The following RNF130 variants were observed in gnomAD, a reference collection of about 807,000 sequenced individuals.
RNF130 encodes the protein E3 ubiquitin-protein ligase RNF130.
In RNF130, 21 loss-of-function variants were observed where a neutral mutation model predicts 44.6. The ratio of observed to expected loss-of-function variants is 0.47; its 90% CI spans 0.33 to 0.68. RNF130 has a LOEUF of 0.68. Among genes scored for constraint, RNF130 ranks in the 30% least tolerant of loss-of-function variants. The probability of loss-of-function intolerance (pLI) is 0.02; values close to 1 mark genes in which losing one functional copy is unlikely to be tolerated. For missense variants in RNF130, 479 were observed against 560.6 expected, an observed-to-expected ratio of 0.85 and a Z score of 1.47; for synonymous variants, 214 against 210.4, an observed-to-expected ratio of 1.02 and a Z score of -0.15.
chr5:179,970,306 T>C (rs1561674083), intron 6 of RNF130, 104 bp downstream of exon 6: 1 of 798,762 alleles, frequency 1.3e-6, no homozygotes, highest in East Asian at 2.8e-5. Context: ...AGTGTTTTCT[T>C]CTGTGTCTTA....
rs766338547 is a variant in RNF130, at chr5:179,966,841, G to C, written c.1115C>G (p.Thr372Ser). The stretch of plus-strand genomic sequence containing the variant: ...AATGTTGATTTCTCCTGTTCTCGGA[G>C]TGAGCTCCCCATCCTGAGGAAGAGG... ...ISPLPQDGEL[T>S]PRTGEINIAV... Residue 372 changes from threonine (T) to serine (S), a missense_variant, in exon 7 of 9, where the codon ACT becomes AGT. Around this residue, in one of 3 missense-constraint regions of RNF130, gnomAD observed 161 missense variants for 158.6 expected, o/e 1.02. Coordinates refer to ENST00000521389, the MANE Select transcript of RNF130 (RefSeq NM_018434.6). 2 of 1,614,188 alleles carry C rather than the reference G, an allele frequency of 1.2e-6. No homozygotes were observed. Among genetic ancestry groups the C allele is most frequent in the Non-Finnish European group, 1.7e-6 (2 of 1,180,042 alleles).
At chr5:179,930,192 G>A (rs565998358) in intron 7 of RNF130, among the ~76,000 whole-genome samples, 1 of 152,150 alleles carries the variant, frequency 6.6e-6, no homozygotes, top group East Asian at 1.9e-4. Flanking sequence ...CGAGTAGCTG[G>A]GATTACAGGC....
At chr5:180,040,356 T>A in intron 2 of RNF130, 97 bp downstream of exon 2, 1 of 1,145,662 alleles carries the variant, frequency 8.7e-7, no homozygotes, top group Non-Finnish European at 1.3e-6. Flanking sequence ...AGGATTATGT[T>A]GGAAATTACA....
chr5:179,934,916 CCTTT>C (rs1761866717), intron 7 of RNF130, among the ~76,000 whole-genome samples: 2 of 151,920 alleles, frequency 1.3e-5, no homozygotes, highest in South Asian at 2.1e-4. Context: ...TTATTTCCTT[CCTTT>C]GATTTAGTTT....
chr5:179,974,588 C>T (rs1217755090), intron 5 of RNF130, among the ~76,000 whole-genome samples: 1 of 152,202 alleles, frequency 6.6e-6, no homozygotes, highest in South Asian at 2.1e-4. Context: ...GCTTGTGAAT[C>T]GTTAAGGAAA....
chr5:180,067,237 A>AT lies in RNF130; in HGVS notation c.247+4218dup, dbSNP rs770438801. ...CCTTCTGCTCCCCTCCATGAAGGTGATTTTTTTTTAACCCAAATCTATGTC... is the reference window on the plus strand; with the variant it reads ...CCTTCTGCTCCCCTCCATGAAGGTGATTTTTTTTTTAACCCAAATCTATGTC... On this transcript the variant is annotated intron_variant, in intron 1 of 8. Coordinates refer to ENST00000521389, the MANE Select transcript of RNF130 (RefSeq NM_018434.6). Among the ~76,000 whole-genome samples the AT allele has an allele frequency of 9.0e-4, 136 of 151,642 alleles. No homozygotes were observed. The Middle Eastern group carries it at 0.014, about 15-fold the overall frequency.
chr5:179,927,246 A>C (rs994609890), intron 7 of RNF130, among the ~76,000 whole-genome samples: 1 of 152,210 alleles, frequency 6.6e-6, no homozygotes, highest in African/African-American at 2.4e-5. Flanking sequence ...GGAAGGTATG[A>C]GTCTGGCTTT....
intron 7 of RNF130, among the ~76,000 whole-genome samples, chr5:179,920,945 G>A (rs1278407291): frequency 6.6e-6 from 1 of 151,932 alleles, no homozygotes; most frequent in Admixed American, 6.6e-5. Context: ...CACTGTGGAA[G>A]ATGAGGATTT....
downstream of RNF130, among the ~76,000 whole-genome samples, chr5:179,952,184 C>T (rs1411502279): frequency 2.6e-5 from 4 of 151,008 alleles, no homozygotes; most frequent in African/African-American, 4.9e-5. Flanking sequence ...GGTGACAGAG[C>T]GAGACATCTC....
chr5:179,957,386 T>C (rs937980349), intron 8 of RNF130, among the ~76,000 whole-genome samples: 6 of 152,182 alleles, frequency 3.9e-5, no homozygotes, highest in Admixed American at 2.6e-4. Context: ...TACTCCAGCC[T>C]GGGTGAGAGA....
exon 8 of RNF130, chr5:179,920,122 C>A: frequency 1.9e-6 from 1 of 524,112 alleles, no homozygotes; most frequent in Non-Finnish European, 3.4e-6. Context: ...CCACAAGGCT[C>A]ACCTGGGCAA....
At chr5:179,966,083 T>C (rs1398160394) in intron 7 of RNF130, among the ~76,000 whole-genome samples, 1 of 152,202 alleles carries the variant, frequency 6.6e-6, no homozygotes, top group Non-Finnish European at 1.5e-5. Flanking sequence ...AAGAGCTGGC[T>C]TGTTGAGGGC....
intron 7 of RNF130, among the ~76,000 whole-genome samples, chr5:179,948,943 C>T (rs1041497746): frequency 2.0e-5 from 3 of 151,470 alleles, no homozygotes; most frequent in African/African-American, 7.3e-5. Flanking sequence ...CCAACCTGGC[C>T]AATGCTTCCT....
chr5:180,008,813 G>C (rs898302595), intron 3 of RNF130, among the ~76,000 whole-genome samples: 26 of 152,096 alleles, frequency 1.7e-4, no homozygotes, highest in African/African-American at 6.3e-4. Flanking sequence ...GAACCCGGGA[G>C]GTGGAGGTTG....
At chr5:179,987,234 C>A (rs1007045410) in intron 3 of RNF130, among the ~76,000 whole-genome samples, 3 of 152,158 alleles carry the variant, frequency 2.0e-5, no homozygotes, top group Admixed American at 1.3e-4. Flanking sequence ...GTGGTGTGAT[C>A]ATGGCTCACT....
intron 7 of RNF130, among the ~76,000 whole-genome samples, chr5:179,920,984 A>G (rs2113669686): frequency 6.6e-6 from 1 of 152,140 alleles, no homozygotes; most frequent in East Asian, 1.9e-4. Context: ...CAAATTGCAC[A>G]TACTTTCCAT....
At chr5:179,999,965 C>T (rs537488604) in intron 3 of RNF130, among the ~76,000 whole-genome samples, 3 of 152,116 alleles carry the variant, frequency 2.0e-5, no homozygotes, top group South Asian at 2.1e-4. Context: ...TAAGGTTTGG[C>T]GGTTTACTGT....
At chr5:179,928,439 A>C (rs1489804730) in intron 7 of RNF130, among the ~76,000 whole-genome samples, 1 of 152,152 alleles carries the variant, frequency 6.6e-6, no homozygotes, top group Non-Finnish European at 1.5e-5. Context: ...AAATGACCAA[A>C]AAGGATGAAC....
At chr5:180,003,459 G>T (rs1186352701) in intron 3 of RNF130, among the ~76,000 whole-genome samples, 1 of 152,156 alleles carries the variant, frequency 6.6e-6, no homozygotes, top group Non-Finnish European at 1.5e-5. Flanking sequence ...TATAGCACAA[G>T]GACAAAATAT....
Sources: allele counts gnomAD v4.1 joint callset (sites outside exome capture counted in the v4.1 genomes callset), GRCh38; gene constraint gnomAD v4.1.1; regional missense constraint gnomAD v4.1.1; transcripts MANE v1.5; gene names NCBI Gene and HGNC (gene_info 2026-07-23, HGNC 2026-07-21).